TOM1L2: variants seen among roughly 807,000 people sequenced by gnomAD.
The protein encoded by TOM1L2 is target of myb1 like 2 membrane trafficking protein.
Under a neutral mutation model 67.9 loss-of-function variants are expected in TOM1L2, and 31 were observed. The ratio of observed to expected loss-of-function variants is 0.46; its 90% CI spans 0.34 to 0.62. TOM1L2 has a LOEUF of 0.62. Among genes scored for constraint, TOM1L2 ranks in the 20% least tolerant of loss-of-function variants. The pLI is 0.01. For missense variants in TOM1L2, 606 were observed against 663.5 expected, an observed-to-expected ratio of 0.91 and a Z score of 0.95; for synonymous variants, 256 against 254.0, an observed-to-expected ratio of 1.01 and a Z score of -0.07.
chr17:17,873,179 C>T (rs1195665229), intron 7 of TOM1L2, among the ~76,000 whole-genome samples: 1 of 152,196 alleles, frequency 6.6e-6, no homozygotes, highest in Admixed American at 6.5e-5. Context: ...AGGATGTTTC[C>T]CCACTCCAGT....
intron 1 of TOM1L2, among the ~76,000 whole-genome samples, chr17:17,963,157 C>T (rs559354235): frequency 6.6e-6 from 1 of 152,238 alleles, no homozygotes; most frequent in East Asian, 1.9e-4. Flanking sequence ...TTCACCACCA[C>T]AGTTTACAGA....
rs983488743 is a variant in TOM1L2, at chr17:17,912,903, A to C, written c.53-5372T>G. Among the ~76,000 whole-genome samples the C allele has an allele frequency of 4.6e-5, 7 of 152,214 alleles. No individual in the cohort carries two copies. In the South Asian group the frequency reaches 1.2e-3, roughly 27 times the overall value. On this transcript the variant is annotated intron_variant, in intron 1 of 14. Coordinates refer to ENST00000379504, the MANE Select transcript of TOM1L2 (RefSeq NM_001082968.2). ...CACTCCAGCCGGGGCACCACTGAGC[A>C]CTGAGTGAACGAGACTCCGTCTGCA...
chr17:17,945,056 A>G (rs1716465539), intron 1 of TOM1L2, among the ~76,000 whole-genome samples: 1 of 152,208 alleles, frequency 6.6e-6, no homozygotes. Flanking sequence ...CCCATTAATC[A>G]GGGCCGTGGA....
Position 17,869,471 on chromosome 17 carries a change from C to A in TOM1L2, c.780G>T (p.Glu260Asp). 2 of 1,604,814 alleles carry A rather than the reference C, an allele frequency of 1.2e-6. No homozygotes were observed. The highest frequency in any genetic ancestry group is 1.7e-6 in the Non-Finnish European group (2 of 1,175,102). The change falls in exon 8 of 15, where the codon GAG (glutamate) becomes GAT (aspartate). Residue 260 changes from glutamate to aspartate, a missense_variant and splice_region_variant. Glu to Asp is a conservative substitution (Grantham distance 45, BLOSUM62 2). Coordinates refer to ENST00000379504, the MANE Select transcript of TOM1L2 (RefSeq NM_001082968.2). ...GCATGGCCCGACAGGTCCTGTTGAGCTCCTAGGGAACACATGCACCTCTGG... is the reference window on the plus strand; with the variant it reads ...GCATGGCCCGACAGGTCCTGTTGAGATCCTAGGGAACACATGCACCTCTGG... The part of the protein sequence containing the change: ...EDSSDLELLQ[E>D]LNRTCRAMQQ...
intron 12 of TOM1L2, among the ~76,000 whole-genome samples, chr17:17,853,348 T>C (rs2036093616): frequency 6.6e-6 from 1 of 152,234 alleles, no homozygotes; most frequent in African/African-American, 2.4e-5. Flanking sequence ...CTTTCCAATG[T>C]GTTGCAAAAG....
At chr17:17,889,487 T>G (rs1646193904) in intron 4 of TOM1L2, among the ~76,000 whole-genome samples, 1 of 152,154 alleles carries the variant, frequency 6.6e-6, no homozygotes, top group South Asian at 2.1e-4. Flanking sequence ...TCAATCTGGC[T>G]GCAGCTCTGC....
chr17:17,949,160 A>C (rs1175196218), intron 1 of TOM1L2, among the ~76,000 whole-genome samples: 2 of 152,160 alleles, frequency 1.3e-5, no homozygotes, highest in Admixed American at 1.3e-4. Context: ...TTTTACCCCA[A>C]ATATATTTAT....
intron 7 of TOM1L2, among the ~76,000 whole-genome samples, chr17:17,876,888 G>T (rs1247976268): frequency 6.6e-6 from 1 of 152,224 alleles, no homozygotes; most frequent in Non-Finnish European, 1.5e-5. Context: ...AGACCCAACA[G>T]ATAAGATGCT....
rs904626577 is a variant in TOM1L2, at chr17:17,911,642, ATTC to A, written c.53-4114_53-4112del. Among the ~76,000 whole-genome samples, 6 of 152,112 alleles carry A rather than the reference ATTC, an allele frequency of 3.9e-5. No homozygotes were observed. In the East Asian group the frequency reaches 7.7e-4, roughly 20 times the overall value. On this transcript the variant is annotated intron_variant, in intron 1 of 14. Transcript: ENST00000379504. The stretch of plus-strand genomic sequence containing the variant: ...CAACTTTGCTCTTGATTAGCTGGAA[ATTC>A]TTTTTTTTTTTTAATTTTTTTATTT...
At chr17:17,897,162 G>A (rs1204154396) in intron 3 of TOM1L2, among the ~76,000 whole-genome samples, 4 of 152,222 alleles carry the variant, frequency 2.6e-5, no homozygotes, top group Admixed American at 2.6e-4. Context: ...TTAGATAGCA[G>A]TAAAATTCCC....
chr17:17,871,407 T>C (rs1008710421), intron 7 of TOM1L2, among the ~76,000 whole-genome samples: 1 of 151,740 alleles, frequency 6.6e-6, no homozygotes, highest in Non-Finnish European at 1.5e-5. Context: ...CGGTGCCTCA[T>C]GCCTGTAATC....
At chr17:17,953,872 A>G (rs908796182) in intron 1 of TOM1L2, among the ~76,000 whole-genome samples, 1 of 152,234 alleles carries the variant, frequency 6.6e-6, no homozygotes, top group African/African-American at 2.4e-5. Context: ...TGCTCTATGC[A>G]TGTTCATTGC....
intron 4 of TOM1L2, among the ~76,000 whole-genome samples, chr17:17,886,556 AG>A (rs1443222615): frequency 6.6e-6 from 1 of 152,256 alleles, no homozygotes; most frequent in African/African-American, 2.4e-5. Flanking sequence ...ATTTTAGTTT[AG>A]GGTGTTGACT....
chr17:17,945,436 TACATCAAA>T (rs1568347966), intron 1 of TOM1L2, among the ~76,000 whole-genome samples: 1 of 152,216 alleles, frequency 6.6e-6, no homozygotes, highest in Non-Finnish European at 1.5e-5. Flanking sequence ...AGAACACTTA[TACATCAAA>T]ACAAACATGG....
At chr17:17,869,139 G>A in intron 8 of TOM1L2, 1 of 971,712 alleles carries the variant, frequency 1.0e-6, no homozygotes, top group Non-Finnish European at 1.5e-6. Context: ...TCAACTTCCT[G>A]CTGCTTCTGC....
chr17:17,860,197 G>A (rs559449215), intron 12 of TOM1L2, among the ~76,000 whole-genome samples: 5 of 152,378 alleles, frequency 3.3e-5, no homozygotes, highest in Admixed American at 6.5e-5. Context: ...GCAGTATCCT[G>A]GTAGGCCCCT....
intron 8 of TOM1L2, among the ~76,000 whole-genome samples, chr17:17,868,229 C>T (rs2036964182): frequency 6.6e-6 from 1 of 152,208 alleles, no homozygotes; most frequent in African/African-American, 2.4e-5. Flanking sequence ...CTGGGGGGTC[C>T]TGGGGATGCC....
At position 17,844,123 on chromosome 17, in the gene TOM1L2, T is replaced by C. The variant is rs2035523067; in HGVS notation, c.*3512A>G. On this transcript the variant is annotated 3_prime_UTR_variant, in exon 15 of 15. Transcript: ENST00000379504. ...AGGCTGAAGCCAGGCTGCAAGCAAG[T>C]GCTCCTCCACACTGCTCTTCCAGAG... 1.3e-5 allele frequency: 2 copies of C among 152,538 alleles called. No homozygotes were observed. Among genetic ancestry groups the C allele is most frequent in the Non-Finnish European group, 2.9e-5 (2 of 68,302 alleles). The allele number at this position is 152,538 out of a possible 1,614,324, so 9.4% of individuals were successfully genotyped here.
At chr17:17,921,863 C>A (rs768074715) in intron 1 of TOM1L2, among the ~76,000 whole-genome samples, 2 of 151,916 alleles carry the variant, frequency 1.3e-5, no homozygotes, top group African/African-American at 2.4e-5. Context: ...CTGTTCCCCT[C>A]GCCCTCGTGC....
Sources: allele counts gnomAD v4.1 joint callset (sites outside exome capture counted in the v4.1 genomes callset), GRCh38; gene constraint gnomAD v4.1.1; transcripts MANE v1.5; gene names NCBI Gene and HGNC (gene_info 2026-07-23, HGNC 2026-07-21).